Variants in PPOX observed in about 807,000 individuals in gnomAD.
PPOX encodes variegate porphyria.
A neutral mutation model predicts 54.1 loss-of-function variants in PPOX; 23 were observed. The ratio of observed to expected loss-of-function variants is 0.43; its 90% CI spans 0.31 to 0.60. The LOEUF is 0.60. Among genes scored for constraint, PPOX ranks in the 20% least tolerant of loss-of-function variants. The pLI is 0.13. For synonymous variants in PPOX, 224 were observed against 236.1 expected (o/e 0.95, Z 0.47); for missense variants, 512 against 601.1 (o/e 0.85, Z 1.55).
chr1:161,170,270 A>G, intron 9 of PPOX, 139 bp from the exon 10 acceptor site: 1 of 859,830 alleles, frequency 1.2e-6, no homozygotes, highest in Non-Finnish European at 1.9e-6. Flanking sequence ...GGTTGCAGTG[A>G]GCTGAGATCT....
rs1201852363 is a variant in PPOX at position 161,167,561 on chromosome 1, T to TC, written c.338+75_338+76insC. 2.2e-4 allele frequency: 235 copies of TC among 1,079,900 alleles called. 1 individual carries two copies. In the African/African-American group the frequency reaches 2.5e-3, roughly 12 times the overall value. 66.9% of individuals were successfully genotyped at this position (1,079,900 alleles called of 1,614,324 possible). ...CTTCCATTTCTTTCTTCTTTTCTTTTTTTTTTTTTTTTTTTTTTTTTTTGA... is the reference window on the plus strand; with the variant it reads ...CTTCCATTTCTTTCTTCTTTTCTTTTCTTTTTTTTTTTTTTTTTTTTTTTGA... On this transcript the variant is annotated intron_variant, in intron 4 of 12. Transcript: ENST00000367999.
chr1:161,173,837 A>C (rs754933749), downstream of PPOX: 15 of 1,611,548 alleles, frequency 9.3e-6, no homozygotes, highest in South Asian at 1.7e-4. Context: ...CCTGTTTCCC[A>C]GTACCCTTCC....
chr1:161,170,671 T>C lies in PPOX; in HGVS notation c.1150T>C (p.Leu384=). 1 of 1,614,130 alleles carries C rather than the reference T, an allele frequency of 6.2e-7. No individual in the cohort carries two copies. The highest frequency in any genetic ancestry group is 8.5e-7 in the Non-Finnish European group (1 of 1,180,038). The change falls in exon 11 of 13, where the codon TTA becomes CTA. Residue 384 remains leucine (L), a synonymous_variant. Transcript: ENST00000367999. The part of the protein sequence containing the change: ...LQTLEASGCV[L]SQELFQQRAQ... ...GACACTGGAGGCTAGTGGCTGTGTC[T>C]TATCTCAGGAGCTGTTTCAACAGCG...
downstream of PPOX, chr1:161,171,502 C>T (rs1448996985): frequency 1.7e-6 from 1 of 579,028 alleles, no homozygotes; most frequent in Non-Finnish European, 3.0e-6. Context: ...ACTCTTCTCT[C>T]CATGGAAGAG....
downstream of PPOX, chr1:161,173,658 G>A (rs753251197): frequency 1.2e-6 from 2 of 1,614,188 alleles, no homozygotes; most frequent in South Asian, 2.2e-5. Context: ...CATTGGGGAA[G>A]CCATTCATCT....
downstream of PPOX, chr1:161,173,581 G>C (rs1662297153): frequency 6.2e-7 from 1 of 1,613,056 alleles, no homozygotes; most frequent in African/African-American, 1.3e-5. Flanking sequence ...GGGTCAGGAG[G>C]GAGGAAGTGG....
At chr1:161,174,420 A>T (rs369129551), downstream of PPOX, among the ~76,000 whole-genome samples, 4 of 152,118 alleles carry the variant, frequency 2.6e-5, no homozygotes, top group South Asian at 6.2e-4. Flanking sequence ...AAAAAAAAGA[A>T]AAAAAAGAAT....
chr1:161,171,030 C>T lies in PPOX; in HGVS notation c.1292-4C>T. On this transcript the variant is annotated splice_region_variant and splice_polypyrimidine_tract_variant and intron_variant, in intron 12 of 12. Transcript: ENST00000367999. ...AAAACATTCCTTTCATCCTTTCCTT[C>T]CAGAGTCAGCTAGGCAATTCCTGAC... 1 of 1,614,210 alleles carries T rather than the reference C, an allele frequency of 6.2e-7. No homozygotes were observed. Among genetic ancestry groups the T allele is most frequent in the Non-Finnish European group, 8.5e-7 (1 of 1,180,030 alleles).
At chr1:161,174,890 C>T (rs1662908378), downstream of PPOX, 1 of 1,286,798 alleles carries the variant, frequency 7.8e-7, no homozygotes, top group Admixed American at 2.0e-5. Flanking sequence ...GTCTGGCCTT[C>T]TTAAAATTAT....
upstream of PPOX, chr1:161,166,236 G>C: frequency 2.0e-5 from 19 of 962,558 alleles, no homozygotes; most frequent in Non-Finnish European, 2.3e-5. Context: ...GTCCTGAGGA[G>C]GGCAGTGACG....
At chr1:161,172,013 G>C, downstream of PPOX, 1 of 1,614,206 alleles carries the variant, frequency 6.2e-7, no homozygotes, top group Non-Finnish European at 8.5e-7. Flanking sequence ...CCCAGCTCTC[G>C]AGCCAGCAAC....
At chr1:161,175,154 G>A, downstream of PPOX, 1 of 1,613,960 alleles carries the variant, frequency 6.2e-7, no homozygotes, top group Non-Finnish European at 8.5e-7. Context: ...CGGCCCCCTG[G>A]TTCTACCCGG....
chr1:161,169,026 G>C lies in PPOX; in HGVS notation c.650G>C (p.Arg217Pro). Reference protein sequence around the residue: ...RTPQPDSALIRQALAERWSQW... With the variant: ...RTPQPDSALIPQALAERWSQW... ...CCACAGCCAGACTCAGCACTCATTC[G>C]CCAGGCCTTGGCTGAGCGCTGGAGC... The change falls in exon 7 of 13, where the codon CGC becomes CCC. Residue 217 changes from arginine to proline, a missense_variant. Coordinates refer to ENST00000367999, the MANE Select transcript of PPOX (RefSeq NM_001122764.3). The C allele has an allele frequency of 6.2e-7, 1 of 1,614,148 alleles. No individual in the cohort carries two copies.
intron 4 of PPOX, 120 bp from the exon 5 acceptor site, chr1:161,167,875 C>T: frequency 6.6e-7 from 1 of 1,523,744 alleles, no homozygotes; most frequent in Non-Finnish European, 9.1e-7. Flanking sequence ...CCTTCCATTT[C>T]TTCATCTCCC....
At chr1:161,175,221 A>C (rs928088501), downstream of PPOX, 1 of 1,612,328 alleles carries the variant, frequency 6.2e-7, no homozygotes, top group Non-Finnish European at 8.5e-7. Flanking sequence ...ACACCGACAC[A>C]GGACCCACTG....
In PPOX at chr1:161,167,976, T is replaced by C; in HGVS notation, c.339-19T>C. ...GGTATGTCAGGAGCTTCCCCCTCACTATGCCTTTCTCCATGCAGGGGGCTA... is the reference window on the plus strand; with the variant it reads ...GGTATGTCAGGAGCTTCCCCCTCACCATGCCTTTCTCCATGCAGGGGGCTA... On this transcript the variant is annotated intron_variant, in intron 4 of 12. Coordinates refer to ENST00000367999, the MANE Select transcript of PPOX (RefSeq NM_001122764.3). 1.9e-6 allele frequency: 3 copies of C among 1,614,030 alleles called. No homozygotes were observed. The highest frequency in any genetic ancestry group is 1.1e-5 in the South Asian group (1 of 91,072).
chr1:161,174,464 A>G (rs1226283197), downstream of PPOX, among the ~76,000 whole-genome samples: 1 of 152,052 alleles, frequency 6.6e-6, no homozygotes, highest in East Asian at 1.9e-4. Flanking sequence ...AGTGGGGTGG[A>G]GGGCAAGGAG....
chr1:161,166,775 C>A, intron 1 of PPOX, 65 bp from the exon 2 acceptor site: 1 of 1,598,320 alleles, frequency 6.3e-7, no homozygotes, highest in South Asian at 1.1e-5. Flanking sequence ...AACTCAAAAC[C>A]GGCGGGGCTT....
At position 161,166,517 on chromosome 1, in the gene PPOX, C is replaced by T. The variant is rs1368787970; in HGVS notation, c.-164C>T. 3.7e-6 allele frequency: 5 copies of T among 1,345,186 alleles called. No individual in the cohort carries two copies. In the African/African-American group the frequency reaches 7.4e-5, roughly 20 times the overall value. 83.3% of individuals were successfully genotyped at this position (1,345,186 alleles called of 1,614,324 possible). A position where few individuals can be genotyped will look rare whatever the true frequency, so the allele number is the denominator to read the frequency against. On this transcript the variant is annotated 5_prime_UTR_variant, in exon 1 of 13. Coordinates refer to ENST00000367999, the MANE Select transcript of PPOX (RefSeq NM_001122764.3). Reference sequence around the variant, plus strand: ...CTACAGAGGTGTGGCAAGCAGAGCACCTCAGAACTCAGGCGTACTGCCCGC... The same window carrying T: ...CTACAGAGGTGTGGCAAGCAGAGCATCTCAGAACTCAGGCGTACTGCCCGC...
Sources: allele counts gnomAD v4.1 joint callset (sites outside exome capture counted in the v4.1 genomes callset), GRCh38; gene constraint gnomAD v4.1.1; transcripts MANE v1.5; gene names NCBI Gene and HGNC (gene_info 2026-07-23, HGNC 2026-07-21).